Variants in SUPT5H observed in about 807,000 individuals in gnomAD.
SUPT5H encodes SPT5 homolog, DSIF elongation factor subunit.
In SUPT5H, 24 loss-of-function variants were observed where a neutral mutation model predicts 142.5. That is an observed-to-expected ratio of 0.17 (90% CI 0.12 to 0.24). The LOEUF is 0.24. SUPT5H is among the 10% of genes least tolerant of loss of function. The pLI is 1.00. For synonymous variants in SUPT5H, 546 were observed against 553.0 expected (o/e 0.99, Z 0.18); for missense variants, 893 against 1,471.8 (o/e 0.61, Z 6.43).
Position 39,474,799 on chromosome 19 carries a change from T to TTA in SUPT5H, c.3024+81_3024+82insTA. On this transcript the variant is annotated intron_variant, in intron 28 of 29. Transcript: ENST00000432763. This position sits in a 1 kb window ranked among gnomAD's most constrained non-coding sequence, Gnocchi z 6.5. ...AACTGGAGACAGACCTGTCCCCAGA[T>TTA]GGTGACAGCCCAGAGTGGGCAGAGC... The TTA allele has an allele frequency of 6.8e-7, 1 of 1,463,176 alleles. No individual in the cohort carries two copies. Among genetic ancestry groups the TTA allele is most frequent in the Non-Finnish European group, 9.3e-7 (1 of 1,076,052 alleles). 90.6% of individuals were successfully genotyped at this position (1,463,176 alleles called of 1,614,324 possible).
rs201377002 is a variant in SUPT5H, at chr19:39,470,302, G to A, written c.1530+28G>A. 5,958 of 1,549,842 alleles carry A rather than the reference G, an allele frequency of 3.8e-3. 26 individuals carry two copies. The highest frequency in any genetic ancestry group is 7.6e-3 in the Middle Eastern group (44 of 5,764). On this transcript the variant is annotated intron_variant, in intron 17 of 29. Coordinates refer to ENST00000432763, the MANE Select transcript of SUPT5H (RefSeq NM_001111020.3). The surrounding 1 kb of genome is among the most constrained non-coding windows in gnomAD (Gnocchi z 5.8). ...AGGTGGATAGAAGGGTCGGGGAAGG[G>A]TGCACGTGCCAAGAGGAGACCCAGG...
In SUPT5H at chr19:39,466,540, T is replaced by G; in HGVS notation, c.937T>G (p.Tyr313Asp). 6.2e-7 allele frequency: 1 copy of G among 1,614,144 alleles called. No individual in the cohort carries two copies. The highest frequency in any genetic ancestry group is 1.3e-5 in the African/African-American group (1 of 75,022). ...CCTGAAGATGATCCCACGCATCGAC[T>G]ACGATCGCATCAAGGCCCGCATGAG... The part of the protein sequence containing the change: ...ISLKMIPRID[Y>D]DRIKARMSLK... Residue 313 changes from tyrosine to aspartate, a missense_variant, in exon 12 of 30, where the codon TAC becomes GAC. By Grantham distance (160) the Tyr-to-Asp change is radical. Around this residue, in one of 6 missense-constraint regions of SUPT5H, gnomAD observed 428 missense variants for 763.5 expected, o/e 0.56. Coordinates refer to ENST00000432763, the MANE Select transcript of SUPT5H (RefSeq NM_001111020.3). The surrounding 1 kb of genome is among the most constrained non-coding windows in gnomAD (Gnocchi z 4.3).
At chr19:39,476,055 C>T (rs2079400683) in intron 28 of SUPT5H, 26 bp from the exon 29 acceptor site, 3 of 1,608,038 alleles carry the variant, frequency 1.9e-6, no homozygotes, top group African/African-American at 2.7e-5. Flanking sequence ...GCAGGACAGG[C>T]TGACCAGGCT....
chr19:39,472,291 C>T lies in SUPT5H; in HGVS notation c.1951-118C>T. The T allele has an allele frequency of 1.1e-6, 1 of 919,526 alleles. No individual in the cohort carries two copies. The highest frequency in any genetic ancestry group is 1.8e-6 in the Non-Finnish European group (1 of 570,226). The allele number at this position is 919,526 out of a possible 1,614,324, so 57.0% of individuals were successfully genotyped here. ...ACCAGCTGTCACAGAGGAATTCAGG[C>T]CTGGGGTGTGGGTGGCTGGGTGGTC... On this transcript the variant is annotated intron_variant, in intron 20 of 29. Coordinates refer to ENST00000432763, the MANE Select transcript of SUPT5H (RefSeq NM_001111020.3). This position sits in a 1 kb window ranked among gnomAD's most constrained non-coding sequence, Gnocchi z 4.2.
rs1418414628 is a variant in SUPT5H at position 39,469,500 on chromosome 19, G to A, written c.1374+102G>A. 6.5e-7 allele frequency: 1 copy of A among 1,546,538 alleles called. No individual in the cohort carries two copies. Among genetic ancestry groups the A allele is most frequent in the East Asian group, 2.3e-5 (1 of 43,246 alleles). On this transcript the variant is annotated intron_variant, in intron 16 of 29. Coordinates refer to ENST00000432763, the MANE Select transcript of SUPT5H (RefSeq NM_001111020.3). The surrounding 1 kb of genome is among the most constrained non-coding windows in gnomAD (Gnocchi z 5.1). ...TGTGCCTGGTGACACCTGGTTTCCAGGAGGGTAAGTTGAGGCCCTTCTAGC... is the reference window on the plus strand; with the variant it reads ...TGTGCCTGGTGACACCTGGTTTCCAAGAGGGTAAGTTGAGGCCCTTCTAGC...
intron 2 of SUPT5H, among the ~76,000 whole-genome samples, chr19:39,448,939 CA>C (rs970313479): frequency 3.4e-5 from 5 of 145,884 alleles, no homozygotes; most frequent in African/African-American, 1.2e-4. Flanking sequence ...ACTAAAAATA[CA>C]AAAAATTAGC....
In SUPT5H at chr19:39,474,068, G is replaced by A. The variant is rs539158116; in HGVS notation, c.2598G>A (p.Ser866=). 132 of 1,608,374 alleles carry A rather than the reference G, an allele frequency of 8.2e-5. 1 individual carries two copies. In the South Asian group the frequency reaches 1.3e-3, roughly 16 times the overall value. The change falls in exon 26 of 30, where the codon TCG becomes TCA. Residue 866 remains serine, a synonymous_variant. Coordinates refer to ENST00000432763, the MANE Select transcript of SUPT5H (RefSeq NM_001111020.3). This position sits in a 1 kb window ranked among gnomAD's most constrained non-coding sequence, Gnocchi z 6.5. The part of the protein sequence containing the change: ...NPQTPGYPDP[S]SPQVNPQYNP... ...AAACACCTGGCTACCCAGACCCCTCGTCCCCACAGGTCAACCCACAATACA... is the reference window on the plus strand; with the variant it reads ...AAACACCTGGCTACCCAGACCCCTCATCCCCACAGGTCAACCCACAATACA...
At chr19:39,460,848 G>A (rs1233465777) in intron 10 of SUPT5H, among the ~76,000 whole-genome samples, 1 of 152,174 alleles carries the variant, frequency 6.6e-6, no homozygotes, top group Non-Finnish European at 1.5e-5. Context: ...GAAGGGTGCT[G>A]GCTGGTAACT....
chr19:39,449,734 C>T (rs1038747303), intron 2 of SUPT5H, among the ~76,000 whole-genome samples: 2 of 151,170 alleles, frequency 1.3e-5, no homozygotes, highest in African/African-American at 2.4e-5. Context: ...CTCCACCTCA[C>T]GGTCAAGCAG....
intron 13 of SUPT5H, chr19:39,467,841 C>T (rs2079263496): frequency 6.6e-6 from 1 of 152,238 alleles, no homozygotes; most frequent in Non-Finnish European, 1.5e-5. Flanking sequence ...ACCTTTGAGT[C>T]TGCACCCAAG....
In SUPT5H at chr19:39,458,494, A is replaced by G. The variant is rs1568423269; in HGVS notation, c.319+189A>G. 2 of 1,077,370 alleles carry G rather than the reference A, an allele frequency of 1.9e-6. No homozygotes were observed. Among genetic ancestry groups the G allele is most frequent in the East Asian group, 4.8e-5 (2 of 41,846 alleles). 66.7% of individuals were successfully genotyped at this position (1,077,370 alleles called of 1,614,324 possible). On this transcript the variant is annotated intron_variant, in intron 5 of 29. Coordinates refer to ENST00000432763, the MANE Select transcript of SUPT5H (RefSeq NM_001111020.3). This position sits in a 1 kb window ranked among gnomAD's most constrained non-coding sequence, Gnocchi z 4.2. ...TATACCCCAGTTGTTGACCTGGGAA[A>G]GCACGGATGTGTCTGTCTGGGACTG...
intron 2 of SUPT5H, among the ~76,000 whole-genome samples, chr19:39,451,857 T>C (rs536794705): frequency 6.6e-6 from 1 of 152,310 alleles, no homozygotes; most frequent in East Asian, 1.9e-4. Flanking sequence ...GGATTAGGGA[T>C]GTTCAACCTG....
At chr19:39,459,112 G>A (rs1440603598) in intron 7 of SUPT5H, 39 bp downstream of exon 7, 1 of 1,613,054 alleles carries the variant, frequency 6.2e-7, no homozygotes, top group African/African-American at 1.3e-5. Context: ...CAGGGAGCAG[G>A]TGGTCCCTAA....
chr19:39,463,350 A>G (rs565524733), intron 10 of SUPT5H, among the ~76,000 whole-genome samples: 2 of 152,104 alleles, frequency 1.3e-5, no homozygotes, highest in South Asian at 4.2e-4. Context: ...ACTTCTAAGC[A>G]TGGCTTTTTT....
chr19:39,474,626 G>A lies in SUPT5H; in HGVS notation c.2932G>A (p.Asp978Asn). The change falls in exon 28 of 30, where the codon GAC becomes AAC. Residue 978 changes from aspartate (D) to asparagine (N), a missense_variant. Asp to Asn is a conservative substitution (Grantham distance 23, BLOSUM62 1). This residue lies in a region of SUPT5H where 336 missense variants were observed against 546.5 expected (regional missense o/e 0.61). Transcript: ENST00000432763. The surrounding 1 kb of genome is among the most constrained non-coding windows in gnomAD (Gnocchi z 6.5). Reference protein sequence around the residue: ...PGSGIEQNSSDWVTTDIQVKV... With the variant: ...PGSGIEQNSSNWVTTDIQVKV... ...CTCAGGCATCGAGCAGAACTCCAGC[G>A]ACTGGGTAACCACTGACATTCAGGT... 2 of 1,614,204 alleles carry A rather than the reference G, an allele frequency of 1.2e-6. No homozygotes were observed. The highest frequency in any genetic ancestry group is 8.5e-7 in the Non-Finnish European group (1 of 1,180,038).
At chr19:39,471,808 T>A in intron 20 of SUPT5H, 78 bp downstream of exon 20, 1 of 1,533,828 alleles carries the variant, frequency 6.5e-7, no homozygotes, top group Non-Finnish European at 8.8e-7. Flanking sequence ...CCAGAAGTGA[T>A]AAGATTGGGC....
rs759265650 is a variant in SUPT5H at position 39,468,865 on chromosome 19, AG to A, written c.1143+7del. 1 of 1,613,724 alleles carries A rather than the reference AG, an allele frequency of 6.2e-7. No homozygotes were observed. Among genetic ancestry groups the A allele is most frequent in the Non-Finnish European group, 8.5e-7 (1 of 1,179,706 alleles). ...GAGCTTCGCCATGTCTGCTGTGGTG[AG>A]GGTCCCAGAGGGGTGTTGGTAATGG... On this transcript the variant is annotated splice_donor_5th_base_variant and intron_variant, in intron 14 of 29. Coordinates refer to ENST00000432763, the MANE Select transcript of SUPT5H (RefSeq NM_001111020.3).
chr19:39,472,957 G>T lies in SUPT5H; in HGVS notation c.2155+28G>T, dbSNP rs373512563. On this transcript the variant is annotated intron_variant, in intron 22 of 29. Transcript: ENST00000432763. The surrounding 1 kb of genome is among the most constrained non-coding windows in gnomAD (Gnocchi z 4.2). ...GACCTGCGAGGCCTGTGGAGGCCTGGGGAGGGGCATGGTGAAGGAGAGCCT... is the reference window on the plus strand; with the variant it reads ...GACCTGCGAGGCCTGTGGAGGCCTGTGGAGGGGCATGGTGAAGGAGAGCCT... The T allele has an allele frequency of 6.2e-7, 1 of 1,611,794 alleles. No individual in the cohort carries two copies. The highest frequency in any genetic ancestry group is 8.5e-7 in the Non-Finnish European group (1 of 1,178,456).
Position 39,472,754 on chromosome 19 carries a change from T to C in SUPT5H, c.2036-56T>C, listed in dbSNP as rs1376854334. On this transcript the variant is annotated intron_variant, in intron 21 of 29. Coordinates refer to ENST00000432763, the MANE Select transcript of SUPT5H (RefSeq NM_001111020.3). This position sits in a 1 kb window ranked among gnomAD's most constrained non-coding sequence, Gnocchi z 4.2. ...GCAAGTGAAGGGGACGTTCTGATGGTGCCCTTGCTGTGGGCACAGCCGTGG... is the reference window on the plus strand; with the variant it reads ...GCAAGTGAAGGGGACGTTCTGATGGCGCCCTTGCTGTGGGCACAGCCGTGG... 8.3e-6 allele frequency: 13 copies of C among 1,570,544 alleles called. No homozygotes were observed. The highest frequency in any genetic ancestry group is 1.1e-5 in the Non-Finnish European group (13 of 1,156,334).
Sources: allele counts gnomAD v4.1 joint callset (sites outside exome capture counted in the v4.1 genomes callset), GRCh38; gene constraint gnomAD v4.1.1; regional missense constraint gnomAD v4.1.1; non-coding constraint Gnocchi (gnomAD v3.1); transcripts MANE v1.5; gene names NCBI Gene and HGNC (gene_info 2026-07-23, HGNC 2026-07-21).